Variants in ZNF469 observed in about 807,000 individuals in gnomAD.
The protein encoded by ZNF469 is zinc finger protein 469.
In ZNF469, 1 loss-of-function variant was observed where a neutral mutation model predicts 1.0. That is an observed-to-expected ratio of 1.00 (90% CI 0.35 to 4.73). The LOEUF (loss-of-function observed/expected upper bound fraction) is 4.73. Among genes scored for constraint, ZNF469 ranks in the 30% most tolerant of loss-of-function variants. The pLI is 0.16. For missense variants in ZNF469, 6,100 were observed against 5,356.3 expected (o/e 1.14, Z -4.33); for synonymous variants, 2,703 against 2,363.4 (o/e 1.14, Z -4.17).
At chr16:88,173,126 C>G in the ZNF469 span, among the ~76,000 whole-genome samples, 1 of 152,088 alleles carries the variant, frequency 6.6e-6, no homozygotes, top group African/African-American at 2.4e-5. Flanking sequence ...CTTGATAAAT[C>G]CCATGTAGAA....
the ZNF469 span, among the ~76,000 whole-genome samples, chr16:88,114,439 C>A: frequency 0.048 from 6,444 of 133,802 alleles, 237 homozygotes; most frequent in Admixed American, 0.12. Flanking sequence ...CGGGGGTCTC[C>A]GGGGAGAATG....
At chr16:88,361,967 AGT>A in the ZNF469 span, among the ~76,000 whole-genome samples, 279 of 152,260 alleles carry the variant, frequency 1.8e-3, 2 homozygotes, top group African/African-American at 6.4e-3. Context: ...TCGTCATGTA[AGT>A]GTGTGTCTGT....
chr16:88,285,658 G>C, the ZNF469 span, among the ~76,000 whole-genome samples: 1,726 of 152,354 alleles, frequency 0.011, 38 homozygotes, highest in African/African-American at 0.039. Context: ...TGGAAGCGTC[G>C]GCACGGTGGG....
chr16:88,334,340 C>T, the ZNF469 span, among the ~76,000 whole-genome samples: 38,311 of 152,070 alleles, frequency 0.25, 5,173 homozygotes, highest in Non-Finnish European at 0.31. Flanking sequence ...CTGAAACGCT[C>T]GGGACCAGAA....
the ZNF469 span, among the ~76,000 whole-genome samples, chr16:88,293,673 G>T: frequency 6.6e-6 from 1 of 152,146 alleles, no homozygotes; most frequent in African/African-American, 2.4e-5. Context: ...ATTGGGGGGT[G>T]TATTTTCCCT....
the ZNF469 span, among the ~76,000 whole-genome samples, chr16:88,339,915 C>T: frequency 2.8e-5 from 4 of 143,704 alleles, no homozygotes; most frequent in South Asian, 2.3e-4. Context: ...AGGTGCTTCA[C>T]GGGGTGGCAC....
intron 1 of ZNF469, among the ~76,000 whole-genome samples, chr16:88,413,296 A>T (rs911575806): frequency 2.0e-5 from 3 of 152,028 alleles, no homozygotes; most frequent in Non-Finnish European, 4.4e-5. Flanking sequence ...ACACTCCAGG[A>T]CAGACCCGCT....
chr16:88,215,000 T>G, the ZNF469 span, among the ~76,000 whole-genome samples: 1 of 152,240 alleles, frequency 6.6e-6, no homozygotes, highest in Non-Finnish European at 1.5e-5. Context: ...CTCCTCGCTT[T>G]ATAGCTTTAA....
At chr16:88,340,732 G>A in the ZNF469 span, among the ~76,000 whole-genome samples, 1 of 151,850 alleles carries the variant, frequency 6.6e-6, no homozygotes, top group African/African-American at 2.4e-5. Context: ...CGCCTGCCTG[G>A]GCTGGGAATC....
At chr16:88,229,258 A>T in the ZNF469 span, among the ~76,000 whole-genome samples, 2 of 152,258 alleles carry the variant, frequency 1.3e-5, no homozygotes, top group African/African-American at 4.8e-5. Flanking sequence ...GATCTTGACA[A>T]GACATGGCAT....
chr16:88,252,520 G>C, the ZNF469 span, among the ~76,000 whole-genome samples: 1 of 151,586 alleles, frequency 6.6e-6, no homozygotes, highest in African/African-American at 2.4e-5. Context: ...TCTCTTTATA[G>C]AGTATTTAAA....
the ZNF469 span, among the ~76,000 whole-genome samples, chr16:88,317,200 G>T: frequency 6.6e-6 from 1 of 152,234 alleles, no homozygotes; most frequent in African/African-American, 2.4e-5. Context: ...CTGTCAGGCA[G>T]GGTGGGGAGC....
chr16:88,299,823 A>T, the ZNF469 span, among the ~76,000 whole-genome samples: 1 of 152,162 alleles, frequency 6.6e-6, no homozygotes, highest in Non-Finnish European at 1.5e-5. Flanking sequence ...CCTGAGCAGG[A>T]TGGACTTCTC....
chr16:88,124,757 T>C, the ZNF469 span, among the ~76,000 whole-genome samples: 2 of 152,154 alleles, frequency 1.3e-5, no homozygotes, highest in Non-Finnish European at 2.9e-5. Context: ...GCTAATTTTG[T>C]ATTTTTAGTA....
intron 1 of ZNF469, among the ~76,000 whole-genome samples, chr16:88,403,768 C>T (rs766446571): frequency 6.6e-6 from 1 of 152,250 alleles, no homozygotes; most frequent in Admixed American, 6.5e-5. Flanking sequence ...ACAAAGCATC[C>T]TCCATCCTCC....
the ZNF469 span, among the ~76,000 whole-genome samples, chr16:88,115,925 A>G: frequency 2.0e-5 from 3 of 152,166 alleles, no homozygotes; most frequent in Non-Finnish European, 4.4e-5. Flanking sequence ...CTTTGGGGGC[A>G]AACCCTGCCC....
chr16:88,427,761 G>A lies in ZNF469; in HGVS notation c.291G>A (p.Pro97=), dbSNP rs762564817. 2.9e-5 allele frequency: 45 copies of A among 1,544,860 alleles called. No homozygotes were observed. The highest frequency in any genetic ancestry group is 5.5e-5 in the African/African-American group (4 of 72,994). The change falls in exon 3 of 3, where the codon CCG becomes CCA. Residue 97 remains proline, a synonymous_variant. Transcript: ENST00000565624. ...PGKRGSPQTP[P]GRSPLQAPSR... is the part of the protein sequence containing the mutation. ...AGAGGGGCAGCCCCCAGACCCCACC[G>A]GGGAGAAGCCCCTTGCAGGCTCCCT...
the ZNF469 span, among the ~76,000 whole-genome samples, chr16:88,205,071 C>T: frequency 5.2e-4 from 79 of 152,332 alleles, no homozygotes; most frequent in African/African-American, 1.8e-3. This position sits in a 1 kb window ranked among gnomAD's most constrained non-coding sequence, Gnocchi z 4.2. Context: ...AGGCCTCCTT[C>T]TGTGAGGTGC....
Position 88,433,327 on chromosome 16 carries a change from G to C in ZNF469, c.5857G>C (p.Gly1953Arg), listed in dbSNP as rs774908636. 5.2e-6 allele frequency: 8 copies of C among 1,550,194 alleles called. No individual in the cohort carries two copies. In the East Asian group the frequency reaches 1.5e-4, roughly 28 times the overall value. ...TGTGGAAGGAGGGAAGGTGGCCTGT[G>C]GCCCCGCCCAGGGCTCCCCAGGGGG... ...GTVEGGKVAC[G>R]PAQGSPGGVQ... Residue 1953 changes from glycine to arginine, a missense_variant, in exon 3 of 3, where the codon GGC (glycine) becomes CGC (arginine). Gly to Arg is a moderately radical substitution (Grantham distance 125). Coordinates refer to ENST00000565624, the MANE Select transcript of ZNF469 (RefSeq NM_001367624.2).
Sources: gnomAD v4.1 joint callset for allele counts (sites outside exome capture counted in the v4.1 genomes callset) on GRCh38, gnomAD v4.1.1 for gene constraint, Gnocchi (gnomAD v3.1) non-coding constraint, MANE v1.5 for transcripts, NCBI Gene and HGNC (gene_info 2026-07-23, HGNC 2026-07-21) for gene names.